The following VPS13A variants were observed in gnomAD, a reference collection of about 807,000 sequenced individuals.
VPS13A encodes intermembrane lipid transfer protein VPS13A.
Under a neutral mutation model 390.9 loss-of-function variants are expected in VPS13A, and 264 were observed. The ratio of observed to expected loss-of-function variants is 0.68; its 90% CI spans 0.61 to 0.75. The LOEUF (loss-of-function observed/expected upper bound fraction) is 0.75, where lower values mean the gene tolerates loss of function less well. Among genes scored for constraint, VPS13A ranks in the 30% least tolerant of loss-of-function variants. The pLI, the probability that VPS13A is intolerant of heterozygous loss-of-function variation, is 0.00. For synonymous variants in VPS13A, 1,231 were observed against 1,227.1 expected, an observed-to-expected ratio of 1.00 and a Z score of -0.07; for missense variants, 3,409 against 3,733.9, an observed-to-expected ratio of 0.91 and a Z score of 2.27.
intron 67 of VPS13A, among the ~76,000 whole-genome samples, chr9:77,372,287 A>G (rs910896407): frequency 1.4e-4 from 21 of 151,840 alleles, no homozygotes; most frequent in South Asian, 6.3e-4. Flanking sequence ...AAGTTTTCCT[A>G]TTTCTCCACA....
intron 67 of VPS13A, among the ~76,000 whole-genome samples, chr9:77,379,168 G>A (rs1269736768): frequency 1.4e-5 from 2 of 145,974 alleles, no homozygotes; most frequent in African/African-American, 5.1e-5. Context: ...TGCCTCCCAG[G>A]TTCAAGAGAT....
At chr9:77,283,280 G>A in intron 29 of VPS13A, 75 bp from the exon 30 acceptor site, 2 of 859,972 alleles carry the variant, frequency 2.3e-6, no homozygotes, top group East Asian at 4.9e-5. Context: ...TGATATTTCA[G>A]TTACTTTATA....
intron 71 of VPS13A, among the ~76,000 whole-genome samples, chr9:77,407,885 G>A (rs1004510381): frequency 7.9e-5 from 12 of 151,856 alleles, no homozygotes; most frequent in Non-Finnish European, 1.8e-4. Flanking sequence ...TAATAAAAAA[G>A]TCAACAAACA....
At chr9:77,200,833 T>G (rs1373383551) in intron 2 of VPS13A, among the ~76,000 whole-genome samples, 1 of 152,230 alleles carries the variant, frequency 6.6e-6, no homozygotes, top group Non-Finnish European at 1.5e-5. Flanking sequence ...GTTTTAGCTC[T>G]TAGGTTTAGA....
intron 35 of VPS13A, among the ~76,000 whole-genome samples, chr9:77,312,664 C>T (rs1314650977): frequency 2.6e-5 from 4 of 152,130 alleles, no homozygotes; most frequent in Admixed American, 6.5e-5. Context: ...ATCCGCCTGC[C>T]TTGGCCTCCC....
intron 44 of VPS13A, 131 bp from the exon 45 acceptor site, chr9:77,322,936 T>C: frequency 1.4e-6 from 1 of 712,696 alleles, no homozygotes; most frequent in Non-Finnish European, 2.2e-6. Flanking sequence ...TTTTATGGAC[T>C]ATATCCAAAG....
intron 1 of VPS13A, among the ~76,000 whole-genome samples, chr9:77,179,800 C>T (rs1823898418): frequency 6.6e-6 from 1 of 151,310 alleles, no homozygotes; most frequent in African/African-American, 2.4e-5. Flanking sequence ...TCACCACTCT[C>T]TCATTCCGGA....
intron 52 of VPS13A, among the ~76,000 whole-genome samples, chr9:77,350,707 T>C (rs1831412587): frequency 6.6e-6 from 1 of 152,170 alleles, no homozygotes; most frequent in Admixed American, 6.5e-5. Flanking sequence ...CCCTATTTTC[T>C]TACAAAGATA....
At chr9:77,349,292 A>G (rs1304927770) in intron 52 of VPS13A, among the ~76,000 whole-genome samples, 2 of 150,948 alleles carry the variant, frequency 1.3e-5, no homozygotes, top group Non-Finnish European at 3.0e-5. Context: ...TCAAAGCACA[A>G]TTTTTTTTTC....
chr9:77,316,895 C>T (rs1372537608), intron 39 of VPS13A, among the ~76,000 whole-genome samples: 2 of 152,042 alleles, frequency 1.3e-5, no homozygotes, highest in East Asian at 3.8e-4. Context: ...CTCTAGTAAC[C>T]TCTTGGCCTT....
At chr9:77,256,496 A>T (rs1383192992) in intron 22 of VPS13A, among the ~76,000 whole-genome samples, 1 of 152,112 alleles carries the variant, frequency 6.6e-6, no homozygotes, top group African/African-American at 2.4e-5. Flanking sequence ...ATGTCATTTT[A>T]GTCCAGTTGG....
intron 52 of VPS13A, among the ~76,000 whole-genome samples, chr9:77,347,955 T>G (rs1046065700): frequency 3.3e-5 from 5 of 152,088 alleles, no homozygotes; most frequent in Non-Finnish European, 5.9e-5. Context: ...TCTGTAATTA[T>G]TAAAAAATCA....
intron 7 of VPS13A, 139 bp from the exon 8 acceptor site, chr9:77,212,830 T>A (rs1290232006): frequency 2.3e-6 from 2 of 882,186 alleles, no homozygotes; most frequent in Non-Finnish European, 3.6e-6. Flanking sequence ...TCAGTTAGTA[T>A]TTTTTGATGG....
chr9:77,309,075 GACAA>G (rs1411436501), intron 35 of VPS13A, among the ~76,000 whole-genome samples: 3 of 152,098 alleles, frequency 2.0e-5, no homozygotes, highest in Admixed American at 1.3e-4. Context: ...AAAGGAAGTA[GACAA>G]ACAAAAAAGA....
At chr9:77,389,958 A>C (rs573978768) in intron 68 of VPS13A, 1 of 381,284 alleles carries the variant, frequency 2.6e-6, no homozygotes, top group South Asian at 1.1e-4. Context: ...CAGAAATTAC[A>C]GATGTTTATA....
rs118060713 is a variant in VPS13A, at chr9:77,295,140, A to G, written c.3508-402A>G. Among the ~76,000 whole-genome samples, 1,283 of 152,080 alleles carry G rather than the reference A, an allele frequency of 8.4e-3. 9 individuals are homozygous for G. Among genetic ancestry groups the G allele is most frequent in the South Asian group, 0.014 (66 of 4,828 alleles). Reference sequence around the variant, plus strand: ...TTGAAGTTTTTTTTTGGAATTTGGAAATTGGAAAATTATTTTGAAACTTCT... The same window carrying G: ...TTGAAGTTTTTTTTTGGAATTTGGAGATTGGAAAATTATTTTGAAACTTCT... On this transcript the variant is annotated intron_variant, in intron 32 of 71. Transcript: ENST00000360280.
intron 7 of VPS13A, chr9:77,211,756 G>A (rs1825985852): frequency 6.6e-6 from 1 of 152,142 alleles, no homozygotes; most frequent in Admixed American, 6.6e-5. Flanking sequence ...CATCACCTTT[G>A]GAAACTTGTC....
At position 77,420,877 on chromosome 9, in the gene VPS13A, T is replaced by TTA. The variant is rs1213246523; in HGVS notation, c.*4872_*4873dup. ...TTTGTTACTCAAAAGTTCCCAGTTC[T>TTA]TAGGCTGAAAAACATTCAAGTAAAA... On this transcript the variant is annotated 3_prime_UTR_variant, in exon 72 of 72. Transcript: ENST00000360280. The TTA allele has an allele frequency of 6.6e-6, 1 of 152,210 alleles. No individual in the cohort carries two copies. Among genetic ancestry groups the TTA allele is most frequent in the Non-Finnish European group, 1.5e-5 (1 of 68,028 alleles). The allele number at this position is 152,210 out of a possible 1,614,324, so 9.4% of individuals were successfully genotyped here. A position where few individuals can be genotyped will look rare whatever the true frequency, so the allele number is the denominator to read the frequency against.
intron 3 of VPS13A, among the ~76,000 whole-genome samples, chr9:77,203,094 G>A (rs577432346): frequency 2.0e-5 from 3 of 152,252 alleles, no homozygotes; most frequent in Admixed American, 2.0e-4. Context: ...CTATTATTGG[G>A]TATTGATCTT....
Sources: gnomAD v4.1 joint callset for allele counts (sites outside exome capture counted in the v4.1 genomes callset) on GRCh38, gnomAD v4.1.1 for gene constraint, MANE v1.5 for transcripts, NCBI Gene and HGNC (gene_info 2026-07-23, HGNC 2026-07-21) for gene names.